The following GALNT13 variants were observed in gnomAD, a reference collection of about 807,000 sequenced individuals.
The protein encoded by GALNT13 is UDP-GalNAc:polypeptide N-acetylgalactosaminyltransferase 13.
GALNT13 carries 28 observed loss-of-function variants against 64.2 expected under a neutral mutation model. That is an observed-to-expected ratio of 0.44 (90% CI 0.32 to 0.60). The LOEUF (loss-of-function observed/expected upper bound fraction) is 0.60. GALNT13 is among the 20% of genes least tolerant of loss of function. GALNT13 has a pLI of 0.05. For missense variants in GALNT13, 577 were observed against 669.8 expected, an observed-to-expected ratio of 0.86 and a Z score of 1.53; for synonymous variants, 214 against 224.6, an observed-to-expected ratio of 0.95 and a Z score of 0.42.
rs573869259 is a variant in GALNT13, at chr2:154,213,795, A to G, written c.312-28235A>G. The stretch of plus-strand genomic sequence containing the variant: ...ATAACAGGATTGATGAGACGAATAA[A>G]TATTTATTCATTATTGTTAATTTTG... On this transcript the variant is annotated intron_variant, in intron 4 of 12. Transcript: ENST00000392825. 1.3e-4 allele frequency among the ~76,000 whole-genome samples: 20 copies of G among 152,300 alleles called. No individual in the cohort carries two copies. The South Asian group carries it at 4.1e-3, about 32-fold the overall frequency.
intron 4 of GALNT13, among the ~76,000 whole-genome samples, chr2:154,172,986 G>A (rs566390007): frequency 6.6e-6 from 1 of 151,910 alleles, no homozygotes; most frequent in South Asian, 2.1e-4. Context: ...AATTTATATA[G>A]AACTACAGAA....
At chr2:154,344,355 A>G (rs573156514) in intron 9 of GALNT13, among the ~76,000 whole-genome samples, 13 of 94,448 alleles carry the variant, frequency 1.4e-4, no homozygotes, top group Non-Finnish European at 3.5e-4. Context: ...CTAACAAATA[A>G]CATTCTGACA....
In GALNT13 at chr2:154,244,274, C is replaced by T. The variant is rs375225820; in HGVS notation, c.686+1369C>T. Among the ~76,000 whole-genome samples, 112 of 152,188 alleles carry T rather than the reference C, an allele frequency of 7.4e-4. 1 individual carries two copies. Among genetic ancestry groups the T allele is most frequent in the African/African-American group, 2.2e-3 (90 of 41,550 alleles). ...AAAGTTTAAAACTACCCTAAATAGA[C>T]AGTCTGTTCAAGATTTTTAGACCTA... On this transcript the variant is annotated intron_variant, in intron 6 of 12. Transcript: ENST00000392825.
chr2:153,777,062 T>C, the GALNT13 span, among the ~76,000 whole-genome samples: 1 of 152,182 alleles, frequency 6.6e-6, no homozygotes, highest in Non-Finnish European at 1.5e-5. Context: ...TGTTTTGTTT[T>C]AAATTTAATG....
At chr2:153,279,514 A>G in the GALNT13 span, among the ~76,000 whole-genome samples, 13 of 152,100 alleles carry the variant, frequency 8.5e-5, no homozygotes, top group African/African-American at 2.7e-4. Context: ...GATGCTACTT[A>G]TTATTTTGAG....
intron 1 of GALNT13, among the ~76,000 whole-genome samples, chr2:153,894,835 C>T (rs190201864): frequency 7.2e-5 from 11 of 152,128 alleles, no homozygotes; most frequent in Non-Finnish European, 1.0e-4. Flanking sequence ...ATCTTTACTT[C>T]GGTAAGGTTT....
the GALNT13 span, among the ~76,000 whole-genome samples, chr2:153,748,822 A>C: frequency 1.3e-5 from 2 of 151,772 alleles, no homozygotes; most frequent in Admixed American, 6.6e-5. Context: ...TATGCTCATG[A>C]GGCACTATTC....
the GALNT13 span, among the ~76,000 whole-genome samples, chr2:153,186,812 C>A: frequency 6.6e-6 from 1 of 152,122 alleles, no homozygotes. Context: ...GTGATCTGCC[C>A]GCCTCAGCCT....
the GALNT13 span, among the ~76,000 whole-genome samples, chr2:153,575,809 A>G: frequency 1.3e-5 from 2 of 152,112 alleles, no homozygotes; most frequent in African/African-American, 4.8e-5. Flanking sequence ...GTTCTGGAAT[A>G]GAGAACGCCA....
chr2:153,485,938 T>G, the GALNT13 span, among the ~76,000 whole-genome samples: 1 of 151,876 alleles, frequency 6.6e-6, no homozygotes, highest in Non-Finnish European at 1.5e-5. Context: ...ACCTTCCTTT[T>G]GTTTTTTTGG....
chr2:154,242,009 C>G (rs1689514667), intron 4 of GALNT13, 21 bp from the exon 5 acceptor site: 1 of 1,505,074 alleles, frequency 6.6e-7, no homozygotes. Context: ...ATTAAGATCC[C>G]TCTTCTTTTC....
chr2:154,144,024 T>G (rs1350447884), intron 4 of GALNT13, among the ~76,000 whole-genome samples: 1 of 152,172 alleles, frequency 6.6e-6, no homozygotes, highest in Non-Finnish European at 1.5e-5. Context: ...GCATGTAAAG[T>G]ACATAAAATC....
the GALNT13 span, among the ~76,000 whole-genome samples, chr2:153,308,036 A>G: frequency 6.6e-6 from 1 of 152,164 alleles, no homozygotes; most frequent in Admixed American, 6.6e-5. Context: ...TAGTTATTCA[A>G]TATCCCACTT....
intron 4 of GALNT13, among the ~76,000 whole-genome samples, chr2:154,231,861 A>C (rs945227528): frequency 1.3e-5 from 2 of 151,630 alleles, no homozygotes; most frequent in African/African-American, 4.8e-5. Flanking sequence ...TAAAAATTCA[A>C]ATAAGAAAAT....
At chr2:153,274,695 C>G in the GALNT13 span, among the ~76,000 whole-genome samples, 1 of 152,202 alleles carries the variant, frequency 6.6e-6, no homozygotes, top group Non-Finnish European at 1.5e-5. Context: ...TCCTGGTCTT[C>G]TATGTGGAAA....
chr2:153,770,136 G>T, the GALNT13 span, among the ~76,000 whole-genome samples: 3 of 151,984 alleles, frequency 2.0e-5, no homozygotes, highest in African/African-American at 4.8e-5. Context: ...GTGACACTTT[G>T]TTTTTTTCCT....
upstream of GALNT13, among the ~76,000 whole-genome samples, chr2:153,869,611 A>G (rs1333687118): frequency 1.3e-5 from 2 of 152,190 alleles, no homozygotes; most frequent in South Asian, 4.1e-4. Flanking sequence ...GAGGCTCATG[A>G]TATCACTTGG....
At chr2:153,919,210 A>G (rs1689593830) in intron 2 of GALNT13, among the ~76,000 whole-genome samples, 1 of 151,976 alleles carries the variant, frequency 6.6e-6, no homozygotes, top group Admixed American at 6.6e-5. Flanking sequence ...ATTTTCTATC[A>G]TACTTAGATT....
chr2:154,326,007 C>T (rs1311835726), intron 9 of GALNT13, among the ~76,000 whole-genome samples: 1 of 152,104 alleles, frequency 6.6e-6, no homozygotes, highest in Non-Finnish European at 1.5e-5. Flanking sequence ...TGGAGAACCA[C>T]TGTGCTCATC....
Sources: allele counts gnomAD v4.1 joint callset (sites outside exome capture counted in the v4.1 genomes callset), GRCh38; gene constraint gnomAD v4.1.1; transcripts MANE v1.5; gene names NCBI Gene and HGNC (gene_info 2026-07-23, HGNC 2026-07-21).